TTC27: variants seen among roughly 807,000 people sequenced by gnomAD.
TTC27 encodes tetratricopeptide repeat protein 27.
A neutral mutation model predicts 115.9 loss-of-function variants in TTC27; 79 were observed. The ratio of observed to expected loss-of-function variants is 0.68; its 90% CI spans 0.57 to 0.82. The LOEUF (loss-of-function observed/expected upper bound fraction) is 0.82, where lower values mean the gene tolerates loss of function less well. TTC27 is among the 40% of genes least tolerant of loss of function. The pLI, the probability that TTC27 is intolerant of heterozygous loss-of-function variation, is 0.00. For synonymous variants in TTC27, 401 were observed against 356.0 expected (o/e 1.13, Z -1.42); for missense variants, 1,054 against 993.1 (o/e 1.06, Z -0.82).
intron 2 of TTC27, among the ~76,000 whole-genome samples, chr2:32,631,007 A>C (rs745952419): frequency 1.1e-4 from 16 of 152,212 alleles, no homozygotes; most frequent in Non-Finnish European, 2.1e-4. Flanking sequence ...CCTTTAACTT[A>C]AAAACATACT....
At chr2:32,730,688 C>G (rs1244502519) in intron 10 of TTC27, among the ~76,000 whole-genome samples, 2 of 148,596 alleles carry the variant, frequency 1.3e-5, no homozygotes, top group Non-Finnish European at 3.0e-5. Flanking sequence ...GTGGCGTGAT[C>G]TTGACTCACT....
chr2:32,709,064 T>C (rs1667484474), intron 10 of TTC27, among the ~76,000 whole-genome samples: 1 of 152,190 alleles, frequency 6.6e-6, no homozygotes, highest in Non-Finnish European at 1.5e-5. Flanking sequence ...TAACTCAAAG[T>C]ATAAGATAAA....
intron 10 of TTC27, among the ~76,000 whole-genome samples, chr2:32,726,738 A>G (rs937865682): frequency 2.0e-5 from 3 of 152,186 alleles, no homozygotes; most frequent in African/African-American, 7.2e-5. Flanking sequence ...CTCTACTGGT[A>G]CCAATTTACT....
rs768654934 is a variant in TTC27 at position 32,630,570 on chromosome 2, A to G, written c.136A>G (p.Ile46Val). 7 of 1,613,022 alleles carry G rather than the reference A, an allele frequency of 4.3e-6. No homozygotes were observed. The highest frequency in any genetic ancestry group is 4.5e-5 in the East Asian group (2 of 44,860). The change falls in exon 2 of 20, where the codon ATA becomes GTA. Residue 46 changes from isoleucine to valine, a missense_variant. By Grantham distance (29) the Ile-to-Val change is conservative. Transcript: ENST00000317907. ...GCTACTGGAAGGGAACTATGAAGCC[A>G]TATTCTTAAATTCAATGACTCAAAA... ...QLLLEGNYEAIFLNSMTQNIF... is the reference protein window; with the variant it reads ...QLLLEGNYEAVFLNSMTQNIF...
At chr2:32,694,871 G>C (rs1666932581) in intron 9 of TTC27, among the ~76,000 whole-genome samples, 2 of 151,430 alleles carry the variant, frequency 1.3e-5, no homozygotes, top group African/African-American at 4.9e-5. Flanking sequence ...TAGAGACAGG[G>C]TCTTGCTGTG....
chr2:32,634,093 GA>G, intron 3 of TTC27, 88 bp downstream of exon 3: 1 of 1,409,748 alleles, frequency 7.1e-7, no homozygotes, highest in Non-Finnish European at 9.5e-7. Flanking sequence ...CTCATAGTAG[GA>G]AAGAAACATG....
At chr2:32,756,100 G>C (rs1448710393) in intron 12 of TTC27, among the ~76,000 whole-genome samples, 1 of 152,188 alleles carries the variant, frequency 6.6e-6, no homozygotes, top group Non-Finnish European at 1.5e-5. Context: ...TACATTGCCT[G>C]AAATCATTTC....
chr2:32,732,724 C>T (rs1033580781), intron 10 of TTC27, among the ~76,000 whole-genome samples: 4 of 152,178 alleles, frequency 2.6e-5, no homozygotes, highest in African/African-American at 4.8e-5. Flanking sequence ...AAGTTGCCAA[C>T]ATGGTGCTTC....
At chr2:32,703,862 A>G (rs140706538) in intron 10 of TTC27, among the ~76,000 whole-genome samples, 41 of 152,348 alleles carry the variant, frequency 2.7e-4, no homozygotes, top group Non-Finnish European at 3.5e-4. Flanking sequence ...GGTAATTTAT[A>G]AAGTACTGAA....
intron 8 of TTC27, among the ~76,000 whole-genome samples, chr2:32,677,125 A>G (rs1371875524): frequency 6.6e-6 from 1 of 152,136 alleles, no homozygotes; most frequent in African/African-American, 2.4e-5. Flanking sequence ...TGAGCTTTAT[A>G]AAAGTGGTAT....
intron 16 of TTC27, among the ~76,000 whole-genome samples, chr2:32,788,286 G>A (rs914102702): frequency 1.2e-4 from 19 of 152,120 alleles, no homozygotes; most frequent in South Asian, 4.2e-4. Context: ...TTTAGACATC[G>A]CTGCTGGCTC....
intron 10 of TTC27, among the ~76,000 whole-genome samples, chr2:32,726,840 C>T (rs958177797): frequency 3.3e-5 from 5 of 152,184 alleles, no homozygotes; most frequent in African/African-American, 9.7e-5. Context: ...TACAGTTTCA[C>T]GTGGCTGGGG....
chr2:32,696,242 CT>C (rs1175636199), intron 9 of TTC27, among the ~76,000 whole-genome samples: 1 of 151,538 alleles, frequency 6.6e-6, no homozygotes, highest in Non-Finnish European at 1.5e-5. Flanking sequence ...GATTGATACT[CT>C]GTTGTTTCTA....
chr2:32,631,570 A>G (rs377099915), intron 2 of TTC27, among the ~76,000 whole-genome samples: 2 of 152,162 alleles, frequency 1.3e-5, no homozygotes, highest in East Asian at 1.9e-4. Context: ...TGATACCTCT[A>G]TCTTTCGTCT....
chr2:32,787,664 C>T (rs1016083121), intron 16 of TTC27, among the ~76,000 whole-genome samples: 1 of 152,120 alleles, frequency 6.6e-6, no homozygotes, highest in Admixed American at 6.5e-5. Context: ...AGATTCAAAG[C>T]TGTTGTGTCA....
chr2:32,721,119 A>T (rs186143773), intron 10 of TTC27, among the ~76,000 whole-genome samples: 1 of 152,246 alleles, frequency 6.6e-6, no homozygotes, highest in East Asian at 1.9e-4. Flanking sequence ...GAAAAATTAC[A>T]TTTGATTTTA....
intron 16 of TTC27, among the ~76,000 whole-genome samples, chr2:32,794,039 T>C (rs768422288): frequency 1.3e-5 from 2 of 152,130 alleles, no homozygotes; most frequent in Non-Finnish European, 2.9e-5. Context: ...TTTTGTGACA[T>C]CAACAACCAA....
chr2:32,724,301 C>G (rs532489185), intron 10 of TTC27, among the ~76,000 whole-genome samples: 1 of 152,218 alleles, frequency 6.6e-6, no homozygotes, highest in South Asian at 2.1e-4. Context: ...AGGTCAAAAC[C>G]ATCTTCATAA....
chr2:32,687,885 A>G (rs893204465), intron 9 of TTC27, among the ~76,000 whole-genome samples: 16 of 152,306 alleles, frequency 1.1e-4, no homozygotes, highest in African/African-American at 2.4e-4. Flanking sequence ...TCTGTCAGCA[A>G]TTGTTAGAAC....
Sources: allele counts gnomAD v4.1 joint callset (sites outside exome capture counted in the v4.1 genomes callset), GRCh38; gene constraint gnomAD v4.1.1; transcripts MANE v1.5; gene names NCBI Gene and HGNC (gene_info 2026-07-23, HGNC 2026-07-21).